The following SMOX variants were observed in gnomAD, a reference collection of about 807,000 sequenced individuals.
The protein encoded by SMOX is flavin containing amine oxidase.
Under a neutral mutation model 51.0 loss-of-function variants are expected in SMOX, and 22 were observed. That is an observed-to-expected ratio of 0.43 (90% confidence interval 0.31 to 0.62). SMOX has a LOEUF of 0.62. SMOX is among the 20% of genes least tolerant of loss of function. The pLI, the probability that SMOX is intolerant of heterozygous loss-of-function variation, is 0.10. For synonymous variants in SMOX, 282 were observed against 307.8 expected (o/e 0.92, Z 0.88); for missense variants, 566 against 777.7 (o/e 0.73, Z 3.24).
At chr20:4,157,879 G>C (rs1204741165) in intron 1 of SMOX, among the ~76,000 whole-genome samples, 1 of 152,066 alleles carries the variant, frequency 6.6e-6, no homozygotes, top group Non-Finnish European at 1.5e-5. Context: ...GCTCAGGTGG[G>C]GGAGATGGGC....
intron 1 of SMOX, among the ~76,000 whole-genome samples, chr20:4,164,645 G>A (rs559386430): frequency 2.6e-5 from 4 of 152,212 alleles, no homozygotes; most frequent in African/African-American, 7.2e-5. Flanking sequence ...TGTAAGAGAA[G>A]TGTCTCTTCC....
intron 2 of SMOX, 72 bp downstream of exon 2, chr20:4,175,335 GA>G: frequency 6.7e-7 from 1 of 1,493,768 alleles, no homozygotes; most frequent in Non-Finnish European, 9.2e-7. Flanking sequence ...GGCTCTGCCT[GA>G]AATCTCATTA....
rs146937096 is a variant in SMOX, at chr20:4,178,873, G to A, written c.435+1296G>A. 4.8e-3 allele frequency among the ~76,000 whole-genome samples: 726 copies of A among 152,156 alleles called. 5 individuals carry two copies. Among genetic ancestry groups the A allele is most frequent in the African/African-American group, 0.016 (671 of 41,498 alleles). ...TAATTTTGTATTTTTAGTAGAAATG[G>A]GGTTTTACCACGTTGGTCAGGCTGG... On this transcript the variant is annotated intron_variant, in intron 3 of 6. Coordinates refer to ENST00000305958, the MANE Select transcript of SMOX (RefSeq NM_175839.3).
intron 2 of SMOX, 83 bp downstream of exon 2, chr20:4,175,346 A>AT: frequency 6.9e-7 from 1 of 1,449,060 alleles, no homozygotes; most frequent in South Asian, 1.3e-5. Context: ...AAATCTCATT[A>AT]TTTTAACTTC....
At chr20:4,178,172 G>A (rs941435876) in intron 3 of SMOX, among the ~76,000 whole-genome samples, 1 of 152,186 alleles carries the variant, frequency 6.6e-6, no homozygotes, top group Non-Finnish European at 1.5e-5. Flanking sequence ...CTCCTGAGTA[G>A]CTGGGATTAC....
At chr20:4,185,153 A>G (rs1236584849) in intron 6 of SMOX, among the ~76,000 whole-genome samples, 1 of 152,234 alleles carries the variant, frequency 6.6e-6, no homozygotes, top group Non-Finnish European at 1.5e-5. Context: ...CTGGATGGCA[A>G]TGGACCCAGT....
chr20:4,165,049 G>GTTTTTTTTTTT lies in SMOX; in HGVS notation c.-26-9968_-26-9958dup, dbSNP rs781522050. 1.3e-4 allele frequency among the ~76,000 whole-genome samples: 11 copies of GTTTTTTTTTTT among 87,338 alleles called. 1 individual carries two copies. The highest frequency in any genetic ancestry group is 1.8e-4 in the Non-Finnish European group (8 of 45,252). 57.3% of individuals were successfully genotyped at this position (87,338 alleles called of 152,430 possible). On this transcript the variant is annotated intron_variant, in intron 1 of 6. Transcript: ENST00000305958. ...TGCATCACCATGCCTTAGCTAAGTT[G>GTTTTTTTTTTT]TTTTTTTTTTTTTTTTTTTTTTTGA...
At position 4,170,717 on chromosome 20, in the gene SMOX, G is replaced by A. The variant is rs986689274; in HGVS notation, c.-26-4313G>A. Reference sequence around the variant, plus strand: ...GTCTTTGGCAACCCTGCCACAGGACGGGGTTTTTCCTCCCTCTTTTCCTCT... The same window carrying A: ...GTCTTTGGCAACCCTGCCACAGGACAGGGTTTTTCCTCCCTCTTTTCCTCT... On this transcript the variant is annotated intron_variant, in intron 1 of 6. Transcript: ENST00000305958. The surrounding 1 kb of genome is among the most constrained non-coding windows in gnomAD (Gnocchi z 4.6). Among the ~76,000 whole-genome samples the A allele has an allele frequency of 3.3e-5, 5 of 152,134 alleles. No homozygotes were observed. Among genetic ancestry groups the A allele is most frequent in the East Asian group, 1.9e-4 (1 of 5,186 alleles).
rs1483121333 is a variant in SMOX, at chr20:4,169,691, A to G, written c.-26-5339A>G. 1.3e-5 allele frequency among the ~76,000 whole-genome samples: 2 copies of G among 152,316 alleles called. 1 individual carries two copies. Among genetic ancestry groups the G allele is most frequent in the Admixed American group, 1.3e-4 (2 of 15,304 alleles). On this transcript the variant is annotated intron_variant, in intron 1 of 6. Transcript: ENST00000305958. ...TAGGCTGGGGGTCAGGTGACAGTGC[A>G]GAACCAGTACGAGGGACTCACATTT... is the stretch of plus-strand genomic sequence containing the variant.
At chr20:4,164,572 A>G (rs1203392490) in intron 1 of SMOX, among the ~76,000 whole-genome samples, 1 of 152,194 alleles carries the variant, frequency 6.6e-6, no homozygotes, top group Non-Finnish European at 1.5e-5. Context: ...AGGACTATTT[A>G]TTAAGTTGGG....
chr20:4,174,759 C>G (rs1042631123), intron 1 of SMOX, among the ~76,000 whole-genome samples: 9 of 152,150 alleles, frequency 5.9e-5, no homozygotes, highest in African/African-American at 1.7e-4. Flanking sequence ...TGGCGGGGAC[C>G]CAAAATGCAT....
chr20:4,150,893 G>T (rs974255262), intron 1 of SMOX, among the ~76,000 whole-genome samples: 1 of 141,230 alleles, frequency 7.1e-6, no homozygotes, highest in Non-Finnish European at 1.5e-5. Flanking sequence ...GTGCAATGAC[G>T]TGATCTTGGC....
intron 1 of SMOX, among the ~76,000 whole-genome samples, chr20:4,159,338 C>A (rs1884733): frequency 6.6e-6 from 1 of 152,028 alleles, no homozygotes; most frequent in Non-Finnish European, 1.5e-5. Context: ...TCTCAAACTC[C>A]TGACTTCAAG....
Position 4,172,096 on chromosome 20 carries a change from C to A in SMOX, c.-26-2934C>A, listed in dbSNP as rs939719407. On this transcript the variant is annotated intron_variant, in intron 1 of 6. Transcript: ENST00000305958. The surrounding 1 kb of genome is among the most constrained non-coding windows in gnomAD (Gnocchi z 7.7). ...AGGGGGACCCCCAGTTTAATACCTGCTACACCCTGACCCCCATAGCAGCTT... is the reference window on the plus strand; with the variant it reads ...AGGGGGACCCCCAGTTTAATACCTGATACACCCTGACCCCCATAGCAGCTT... 2.6e-5 allele frequency among the ~76,000 whole-genome samples: 4 copies of A among 152,188 alleles called. No homozygotes were observed. The highest frequency in any genetic ancestry group is 7.2e-5 in the African/African-American group (3 of 41,470).
chr20:4,180,194 G>T (rs776739438), intron 3 of SMOX, among the ~76,000 whole-genome samples: 2 of 152,144 alleles, frequency 1.3e-5, no homozygotes, highest in African/African-American at 2.4e-5. Context: ...CTGATTGCAG[G>T]GAGGCAAGAT....
chr20:4,183,391 C>T lies in SMOX; in HGVS notation c.1370-103C>T, dbSNP rs889477611. 9.1e-6 allele frequency: 14 copies of T among 1,546,304 alleles called. No individual in the cohort carries two copies. The highest frequency in any genetic ancestry group is 8.1e-5 in the African/African-American group (6 of 73,670). ...CCTACCCCTGGCAGTCTGGTCCTCCCGGAGCCCTGGAGGTGGGGTGGGGGG... is the reference window on the plus strand; with the variant it reads ...CCTACCCCTGGCAGTCTGGTCCTCCTGGAGCCCTGGAGGTGGGGTGGGGGG... On this transcript the variant is annotated intron_variant, in intron 5 of 6. Coordinates refer to ENST00000305958, the MANE Select transcript of SMOX (RefSeq NM_175839.3). The surrounding 1 kb of genome is among the most constrained non-coding windows in gnomAD (Gnocchi z 4.3).
At chr20:4,174,378 C>CGGGTCCAGGCAAGTATCCG (rs1978660245) in intron 1 of SMOX, among the ~76,000 whole-genome samples, 1 of 151,638 alleles carries the variant, frequency 6.6e-6, no homozygotes, top group Non-Finnish European at 1.5e-5. Flanking sequence ...CAAGTATCTT[C>CGGGTCCAGGCAAGTATCCG]GGGTCCAGGC....
chr20:4,180,653 G>A (rs367879910), intron 3 of SMOX, among the ~76,000 whole-genome samples: 237 of 152,202 alleles, frequency 1.6e-3, no homozygotes, highest in African/African-American at 5.0e-3. Context: ...TTCCAAAGTC[G>A]GCTCTCAGAT....
At position 4,148,849 on chromosome 20, in the gene SMOX, T is replaced by C. The variant is rs1342689824; in HGVS notation, c.-155T>C. On this transcript the variant is annotated 5_prime_UTR_variant, in exon 1 of 7. Transcript: ENST00000305958. ...CCCCACACAGGCCGCGGCGGCTGGCTCGGGCCCCTACGGTCCCGGCGGCGG... is the reference window on the plus strand; with the variant it reads ...CCCCACACAGGCCGCGGCGGCTGGCCCGGGCCCCTACGGTCCCGGCGGCGG... The C allele has an allele frequency of 6.6e-6, 1 of 152,234 alleles. No individual in the cohort carries two copies. The highest frequency in any genetic ancestry group is 1.5e-5 in the Non-Finnish European group (1 of 68,332). 9.4% of individuals were successfully genotyped at this position (152,234 alleles called of 1,614,324 possible).
Sources: gnomAD v4.1 joint callset for allele counts (sites outside exome capture counted in the v4.1 genomes callset) on GRCh38, gnomAD v4.1.1 for gene constraint, Gnocchi (gnomAD v3.1) non-coding constraint, MANE v1.5 for transcripts, NCBI Gene and HGNC (gene_info 2026-07-23, HGNC 2026-07-21) for gene names.